Variants in SPTA1 observed in about 807,000 individuals in gnomAD.
SPTA1 encodes spectrin alpha, erythrocytic 1, also known as spectrin alpha chain, erythrocytic 1.
Under a neutral mutation model 324.7 loss-of-function variants are expected in SPTA1, and 177 were observed. The ratio of observed to expected loss-of-function variants is 0.55; its 90% CI spans 0.48 to 0.62. The LOEUF (loss-of-function observed/expected upper bound fraction) is 0.62. SPTA1 is among the 20% of genes least tolerant of loss of function. The pLI, the probability that SPTA1 is intolerant of heterozygous loss-of-function variation, is 0.00. For synonymous variants in SPTA1, 1,195 were observed against 1,041.3 expected (o/e 1.15, Z -2.84); for missense variants, 3,162 against 2,883.6 (o/e 1.10, Z -2.21).
chr1:158,642,715 C>G, intron 32 of SPTA1, 99 bp downstream of exon 32: 1 of 1,598,872 alleles, frequency 6.3e-7, no homozygotes, highest in Non-Finnish European at 8.6e-7. Context: ...GGCATGGTAG[C>G]CTCAACAGTC....
chr1:158,669,432 C>T lies in SPTA1; in HGVS notation c.1809G>A (p.Lys603=). The T allele has an allele frequency of 1.9e-6, 3 of 1,614,132 alleles. No individual in the cohort carries two copies. Among genetic ancestry groups the T allele is most frequent in the Non-Finnish European group, 2.5e-6 (3 of 1,179,978 alleles). ...CCTTGTAATCTTCATCATCTGCCAA[C>T]TTTTTCTTCTTGTTGATCCAGTTCT... ...DLKNWINKKK[K]LADDEDYKDI... Residue 603 remains lysine, a synonymous_variant, in exon 14 of 52, where the codon AAG becomes AAA. Transcript: ENST00000643759.
intron 16 of SPTA1, 89 bp downstream of exon 16, chr1:158,666,227 T>C: frequency 7.5e-7 from 1 of 1,339,912 alleles, no homozygotes; most frequent in Non-Finnish European, 1.0e-6. Context: ...AAGTAATTAA[T>C]AAGTAATAAT....
At chr1:158,645,438 A>T in intron 28 of SPTA1, 53 bp from the exon 29 acceptor site, 2 of 1,613,920 alleles carry the variant, frequency 1.2e-6, no homozygotes, top group Admixed American at 1.7e-5. Flanking sequence ...TGGAAATTTT[A>T]AAATTAGTAG....
In SPTA1 at chr1:158,611,166, C is replaced by CACACACACACTA; in HGVS notation, c.*97_*98insTAGTGTGTGTGT. 2.2e-6 allele frequency: 3 copies of CACACACACACTA among 1,387,712 alleles called. No homozygotes were observed. Among genetic ancestry groups the CACACACACACTA allele is most frequent in the Non-Finnish European group, 3.0e-6 (3 of 989,750 alleles). 86.0% of individuals were successfully genotyped at this position (1,387,712 alleles called of 1,614,324 possible). On this transcript the variant is annotated 3_prime_UTR_variant, in exon 52 of 52. Transcript: ENST00000643759. ...ACACACACACACACACACACACACA[C>CACACACACACTA]GAGGCCATCTTTATCTTCCACATTT...
chr1:158,647,444 C>T, intron 27 of SPTA1, 95 bp downstream of exon 27: 1 of 1,483,954 alleles, frequency 6.7e-7, no homozygotes, highest in Non-Finnish European at 9.4e-7. Flanking sequence ...CGTAGTGATG[C>T]CCTCCAAAAC....
chr1:158,670,360 A>G (rs114803559), intron 12 of SPTA1, among the ~76,000 whole-genome samples: 1,681 of 152,346 alleles, frequency 0.011, 32 homozygotes, highest in African/African-American at 0.038. Flanking sequence ...TCTAAAATAA[A>G]TGATAACACT....
rs763564951 is a variant in SPTA1 at position 158,617,529 on chromosome 1, A to G, written c.6600+8T>C. 2 of 1,612,470 alleles carry G rather than the reference A, an allele frequency of 1.2e-6. No individual in the cohort carries two copies. Among genetic ancestry groups the G allele is most frequent in the Admixed American group, 1.7e-5 (1 of 59,976 alleles). On this transcript the variant is annotated splice_region_variant and intron_variant, in intron 47 of 51. Coordinates refer to ENST00000643759, the MANE Select transcript of SPTA1 (RefSeq NM_003126.4). ...AATATCTTCAGTTAATGAAAAAACAATACTTACTTTATTTGCTTCCAGCTG... is the reference window on the plus strand; with the variant it reads ...AATATCTTCAGTTAATGAAAAAACAGTACTTACTTTATTTGCTTCCAGCTG...
intron 16 of SPTA1, 133 bp from the exon 17 acceptor site, chr1:158,663,078 C>T (rs1653355342): frequency 2.3e-6 from 3 of 1,298,940 alleles, no homozygotes; most frequent in Non-Finnish European, 3.2e-6. Context: ...CTAATTAAAT[C>T]AGTGAAATGG....
At chr1:158,631,637 A>C (rs1253140834) in intron 39 of SPTA1, among the ~76,000 whole-genome samples, 1 of 152,196 alleles carries the variant, frequency 6.6e-6, no homozygotes, top group African/African-American at 2.4e-5. Flanking sequence ...AAATGAGCTA[A>C]GAAGTTTAAT....
chr1:158,617,982 C>A, intron 46 of SPTA1, 57 bp downstream of exon 46: 1 of 1,512,370 alleles, frequency 6.6e-7, no homozygotes, highest in Non-Finnish European at 9.2e-7. Flanking sequence ...TCTTTCTTAA[C>A]GAATTCTTCC....
intron 27 of SPTA1, 129 bp from the exon 28 acceptor site, chr1:158,645,723 T>G (rs957107621): frequency 3.2e-5 from 30 of 935,254 alleles, no homozygotes; most frequent in Non-Finnish European, 5.1e-5. Context: ...TTTATATGCT[T>G]TACAGATCTT....
intron 15 of SPTA1, among the ~76,000 whole-genome samples, chr1:158,667,347 T>C (rs77676869): frequency 0.015 from 2,336 of 152,286 alleles, 52 homozygotes; most frequent in African/African-American, 0.053. Flanking sequence ...ACATGTGAGA[T>C]TGTTTTAAGA....
chr1:158,627,006 A>G lies in SPTA1; in HGVS notation c.5666T>C (p.Val1889Ala). The G allele has an allele frequency of 6.2e-7, 1 of 1,613,708 alleles. No individual in the cohort carries two copies. Among genetic ancestry groups the G allele is most frequent in the Middle Eastern group, 1.7e-4 (1 of 6,060 alleles). The part of the protein sequence containing the change: ...CAQGEDILNK[V>A]LQEESQNKEI... ...TTTGTTCTGACTTTCCTCCTGCAAC[A>G]CCTGTGAGAAGGGGAGAGACAAATA... The change falls in exon 41 of 52, where the codon GTG becomes GCG. Residue 1889 changes from valine (V) to alanine (A), a missense_variant and splice_region_variant. By Grantham distance (64) the Val-to-Ala change is moderately conservative. Coordinates refer to ENST00000643759, the MANE Select transcript of SPTA1 (RefSeq NM_003126.4).
intron 39 of SPTA1, among the ~76,000 whole-genome samples, chr1:158,630,404 T>C (rs12138682): frequency 0.25 from 38,511 of 151,904 alleles, 5,107 homozygotes; most frequent in Middle Eastern, 0.32. Context: ...AATAGACAGC[T>C]TCTTTAACAA....
rs1162706893 is a variant in SPTA1 at position 158,636,709 on chromosome 1, C to T, written c.5242G>A (p.Val1748Ile). The T allele has an allele frequency of 6.2e-7, 1 of 1,614,118 alleles. No individual in the cohort carries two copies. The highest frequency in any genetic ancestry group is 8.5e-7 in the Non-Finnish European group (1 of 1,180,010). The change falls in exon 37 of 52, where the codon GTT becomes ATT. Residue 1748 changes from valine to isoleucine, a missense_variant. Coordinates refer to ENST00000643759, the MANE Select transcript of SPTA1 (RefSeq NM_003126.4). The part of the protein sequence containing the change: ...SQDYGRDLQG[V>I]QNLLKKHKRL... ...TTGTGCTTCTTCAGCAAGTTCTGAA[C>T]CCCCTGAAGATCTCTCCCATAGTCC...
At position 158,620,474 on chromosome 1, in the gene SPTA1, G is replaced by A. The variant is rs370337850; in HGVS notation, c.6121-8C>T. ...CACGAACAGGTCCTCAGCCTGCAGA[G>A]AGAAAAAAAAGACACTACCATCTTT... On this transcript the variant is annotated splice_polypyrimidine_tract_variant and splice_region_variant and intron_variant, in intron 43 of 51. Coordinates refer to ENST00000643759, the MANE Select transcript of SPTA1 (RefSeq NM_003126.4). 14 of 1,610,908 alleles carry A rather than the reference G, an allele frequency of 8.7e-6. No homozygotes were observed. In the African/African-American group the frequency reaches 1.6e-4, roughly 19 times the overall value.
intron 29 of SPTA1, 150 bp downstream of exon 29, chr1:158,645,038 G>A: frequency 1.2e-6 from 1 of 834,426 alleles, no homozygotes; most frequent in Non-Finnish European, 2.0e-6. Context: ...GGTATAGAAA[G>A]CATAGTACAA....
At position 158,661,314 on chromosome 1, in the gene SPTA1, C is replaced by G. The variant is rs1341147461; in HGVS notation, c.2560G>C (p.Glu854Gln). The G allele has an allele frequency of 1.9e-6, 3 of 1,613,916 alleles. No individual in the cohort carries two copies. The change falls in exon 18 of 52, where the codon GAA (glutamate) becomes CAA (glutamine). Residue 854 changes from glutamate to glutamine, a missense_variant. Transcript: ENST00000643759. The stretch of plus-strand genomic sequence containing the variant: ...TCCTCTACCATTTTGTTTCCCCTTT[C>G]TGTTATCTCTTGAATGCGTGGTTCA... ...SHEPRIQEIT[E>Q]RGNKMVEEGH...
In SPTA1 at chr1:158,666,514, G is replaced by A. The variant is rs780623013; in HGVS notation, c.2039-17C>T. The A allele has an allele frequency of 2.5e-6, 4 of 1,603,040 alleles. No individual in the cohort carries two copies. Among genetic ancestry groups the A allele is most frequent in the African/African-American group, 1.3e-5 (1 of 74,928 alleles). ...ACTGGGTCCCTGGGAGAAGACATAAGGTAGAAGACATTAGGTACCATAACT... is the reference window on the plus strand; with the variant it reads ...ACTGGGTCCCTGGGAGAAGACATAAAGTAGAAGACATTAGGTACCATAACT... On this transcript the variant is annotated splice_polypyrimidine_tract_variant and intron_variant, in intron 15 of 51. Transcript: ENST00000643759.
Sources: gnomAD v4.1 joint callset for allele counts (sites outside exome capture counted in the v4.1 genomes callset) on GRCh38, gnomAD v4.1.1 for gene constraint, MANE v1.5 for transcripts, NCBI Gene and HGNC (gene_info 2026-07-23, HGNC 2026-07-21) for gene names.